FAM32A: variants seen among roughly 807,000 people sequenced by gnomAD.
FAM32A encodes the protein protein FAM32A.
A neutral mutation model predicts 15.8 loss-of-function variants in FAM32A; 9 were observed. The observed-to-expected ratio is 0.57, with a 90% confidence interval of 0.34 to 1.00. The LOEUF (loss-of-function observed/expected upper bound fraction) is 1.00, where lower values mean the gene tolerates loss of function less well. Among genes scored for constraint, FAM32A ranks in the 50% least tolerant of loss-of-function variants. The pLI, the probability that FAM32A is intolerant of heterozygous loss-of-function variation, is 0.02. For synonymous variants in FAM32A, 64 were observed against 54.9 expected (o/e 1.16, Z -0.73); for missense variants, 113 against 138.3 (o/e 0.82, Z 0.92).
At chr19:16,185,593 C>T in intron 1 of FAM32A, 31 bp from the exon 2 acceptor site, 1 of 1,595,884 alleles carries the variant, frequency 6.3e-7, no homozygotes, top group Non-Finnish European at 8.5e-7. Context: ...CCTGATCCTC[C>T]GACCCGCCGC....
At chr19:16,185,543 C>T (rs973843805) in intron 1 of FAM32A, 27 bp downstream of exon 1, 2 of 1,570,596 alleles carry the variant, frequency 1.3e-6, no homozygotes, top group South Asian at 2.3e-5. Flanking sequence ...CGCGGGATTC[C>T]GTCTTCATCC....
chr19:16,190,576 G>C lies in FAM32A; in HGVS notation c.270+3G>C. 6.2e-7 allele frequency: 1 copy of C among 1,611,506 alleles called. No individual in the cohort carries two copies. Among genetic ancestry groups the C allele is most frequent in the Non-Finnish European group, 8.5e-7 (1 of 1,177,942 alleles). ...AAACCCACAAGCAGAGAGTGGAGGT[G>C]AGTCGCCGTGTCCAGTGGGGGAGAC... On this transcript the variant is annotated splice_donor_region_variant and intron_variant, in intron 3 of 3. Coordinates refer to ENST00000263384, the MANE Select transcript of FAM32A (RefSeq NM_014077.4).
rs1370074044 is a variant in FAM32A, at chr19:16,185,737, C to A, written c.188C>A (p.Ala63Glu). The A allele has an allele frequency of 2.6e-6, 4 of 1,552,978 alleles. No homozygotes were observed. The highest frequency in any genetic ancestry group is 3.5e-6 in the Non-Finnish European group (4 of 1,147,524). ...RGLDKRTPAQAAFEKMQEKRQ... is the reference protein window; with the variant it reads ...RGLDKRTPAQEAFEKMQEKRQ... ...CTGGACAAGCGGACCCCGGCCCAGG[C>A]GGCCTTCGAGAAAATGCAGGAGAAG... Residue 63 changes from alanine (A) to glutamate (E), a missense_variant, in exon 2 of 4, where the codon GCG becomes GAG. Transcript: ENST00000263384.
chr19:16,191,159 C>T lies in FAM32A; in HGVS notation c.*204C>T, dbSNP rs115233434. ...CTTGTACTCAGTTTAGGCTTCTTGG[C>T]AACATACAGAAGATACACCCTTTTC... is the stretch of plus-strand genomic sequence containing the variant. On this transcript the variant is annotated 3_prime_UTR_variant, in exon 4 of 4. Coordinates refer to ENST00000263384, the MANE Select transcript of FAM32A (RefSeq NM_014077.4). 926 of 581,684 alleles carry T rather than the reference C, an allele frequency of 1.6e-3. 6 individuals carry two copies. Among genetic ancestry groups the T allele is most frequent in the African/African-American group, 0.015 (814 of 53,660 alleles). The allele number at this position is 581,684 out of a possible 1,614,324, so 36.0% of individuals were successfully genotyped here.
intron 2 of FAM32A, among the ~76,000 whole-genome samples, chr19:16,186,938 C>T (rs1301633549): frequency 6.6e-6 from 1 of 152,202 alleles, no homozygotes; most frequent in Non-Finnish European, 1.5e-5. Flanking sequence ...AAGAGTGATC[C>T]GGCTCCAAAT....
chr19:16,189,019 CTT>C (rs11340905), intron 2 of FAM32A, among the ~76,000 whole-genome samples: 2,078 of 83,414 alleles, frequency 0.025, 41 homozygotes, highest in African/African-American at 0.08. Context: ...CTCAGTGCTT[CTT>C]TTTTTTTTTT....
chr19:16,187,743 G>A (rs764059164), intron 2 of FAM32A, among the ~76,000 whole-genome samples: 4 of 151,532 alleles, frequency 2.6e-5, no homozygotes, highest in East Asian at 3.9e-4. Flanking sequence ...GAGCCACCAC[G>A]CCCGGCCTTT....
chr19:16,188,168 A>G (rs2091392998), intron 2 of FAM32A, among the ~76,000 whole-genome samples: 1 of 152,340 alleles, frequency 6.6e-6, no homozygotes, highest in South Asian at 2.1e-4. Flanking sequence ...GAGACTAATA[A>G]TGGGAGCTCA....
intron 2 of FAM32A, among the ~76,000 whole-genome samples, chr19:16,187,758 A>G (rs1452743795): frequency 7.4e-6 from 1 of 134,746 alleles, no homozygotes; most frequent in Non-Finnish European, 1.6e-5. Context: ...GCCTTTTTTT[A>G]ATTTTTTGAA....
Position 16,185,496 on chromosome 19 carries a change from A to T in FAM32A, c.54A>T (p.Ala18=). Residue 18 remains alanine, a synonymous_variant, in exon 1 of 4, where the codon GCA becomes GCT. Transcript: ENST00000263384. ...GACCCCTGAAGCTGAAAGGCGTCGC[A>T]GAGCTGGGAGTGACCAAGCGGTGAG... ...QKGPLKLKGV[A]ELGVTKRKKK... 6.4e-7 allele frequency: 1 copy of T among 1,565,048 alleles called. No homozygotes were observed. Among genetic ancestry groups the T allele is most frequent in the Non-Finnish European group, 8.7e-7 (1 of 1,154,202 alleles).
chr19:16,191,591 C>A lies in FAM32A; in HGVS notation c.*636C>A, dbSNP rs1483939810. 6.5e-6 allele frequency: 1 copy of A among 153,126 alleles called. No individual in the cohort carries two copies. Among genetic ancestry groups the A allele is most frequent in the Non-Finnish European group, 1.5e-5 (1 of 68,742 alleles). The allele number at this position is 153,126 out of a possible 1,614,324, so 9.5% of individuals were successfully genotyped here. On this transcript the variant is annotated 3_prime_UTR_variant, in exon 4 of 4. Coordinates refer to ENST00000263384, the MANE Select transcript of FAM32A (RefSeq NM_014077.4). ...TTCTGAGCCCGTTTCCCAAAACCCC[C>A]CTTCCAGGTGCTTCTAATGGGTGTT...
At chr19:16,190,712 G>T in intron 3 of FAM32A, 139 bp downstream of exon 3, 1 of 855,206 alleles carries the variant, frequency 1.2e-6, no homozygotes, top group South Asian at 1.5e-5. Flanking sequence ...CTTCCCCAGG[G>T]TTATTCAAAG....
At chr19:16,187,812 C>G (rs2091391724) in intron 2 of FAM32A, among the ~76,000 whole-genome samples, 2 of 150,420 alleles carry the variant, frequency 1.3e-5, no homozygotes, top group African/African-American at 2.5e-5. Context: ...TTGGTATGAT[C>G]TCAGCTCACT....
intron 2 of FAM32A, 23 bp from the exon 3 acceptor site, chr19:16,190,497 C>T (rs764137958): frequency 1.9e-6 from 3 of 1,584,420 alleles, no homozygotes; most frequent in Non-Finnish European, 2.6e-6. Flanking sequence ...GTAAACTCAC[C>T]TCCATGTCTC....
intron 2 of FAM32A, among the ~76,000 whole-genome samples, chr19:16,188,516 C>T (rs998527485): frequency 3.9e-5 from 6 of 152,082 alleles, no homozygotes; most frequent in Non-Finnish European, 7.4e-5. Flanking sequence ...TTTGGGAGGC[C>T]GATGTGGGAA....
chr19:16,190,621 G>A (rs182320777), intron 3 of FAM32A, 48 bp downstream of exon 3: 5 of 1,475,784 alleles, frequency 3.4e-6, no homozygotes, highest in East Asian at 4.5e-5. Context: ...CAGGGTCCCA[G>A]CTGGGCCCAG....
At position 16,191,547 on chromosome 19, in the gene FAM32A, A is replaced by T. The variant is rs2091407365; in HGVS notation, c.*592A>T. On this transcript the variant is annotated 3_prime_UTR_variant, in exon 4 of 4. Transcript: ENST00000263384. ...AACAGCCACCTAAGGCAAGAATGGAACGGACACACCTTGCTCCTTTCTGAG... is the reference window on the plus strand; with the variant it reads ...AACAGCCACCTAAGGCAAGAATGGATCGGACACACCTTGCTCCTTTCTGAG... The T allele has an allele frequency of 6.5e-6, 1 of 154,496 alleles. No homozygotes were observed. Among genetic ancestry groups the T allele is most frequent in the South Asian group, 2.0e-4 (1 of 5,042 alleles). 9.6% of individuals were successfully genotyped at this position (154,496 alleles called of 1,614,324 possible).
intron 2 of FAM32A, among the ~76,000 whole-genome samples, chr19:16,188,346 A>C (rs938187945): frequency 6.6e-6 from 1 of 152,162 alleles, no homozygotes; most frequent in Non-Finnish European, 1.5e-5. Flanking sequence ...GGTGCTGTTT[A>C]CTGGGGTGGG....
intron 2 of FAM32A, among the ~76,000 whole-genome samples, chr19:16,190,142 T>C (rs2091400314): frequency 6.6e-6 from 1 of 152,188 alleles, no homozygotes; most frequent in Non-Finnish European, 1.5e-5. Context: ...GCACCTGCTC[T>C]ATGTCAGACC....
Sources: allele counts gnomAD v4.1 joint callset (sites outside exome capture counted in the v4.1 genomes callset), GRCh38; gene constraint gnomAD v4.1.1; transcripts MANE v1.5; gene names NCBI Gene and HGNC (gene_info 2026-07-23, HGNC 2026-07-21).